RANBP3L: variants seen among roughly 807,000 people sequenced by gnomAD.
RANBP3L encodes the protein ran-binding protein 3-like.
In RANBP3L, 56 loss-of-function variants were observed where a neutral mutation model predicts 67.2. The observed-to-expected ratio is 0.83, with a 90% CI of 0.67 to 1.04. The LOEUF (loss-of-function observed/expected upper bound fraction) is 1.04, where lower values mean the gene tolerates loss of function less well. Among genes scored for constraint, RANBP3L ranks in the 50% least tolerant of loss-of-function variants. The pLI is 0.00. For missense variants in RANBP3L, 496 were observed against 535.5 expected, an observed-to-expected ratio of 0.93 and a Z score of 0.73; for synonymous variants, 164 against 181.4, an observed-to-expected ratio of 0.90 and a Z score of 0.77.
At chr5:36,266,164 G>A (rs1048424668) in intron 4 of RANBP3L, among the ~76,000 whole-genome samples, 2 of 151,916 alleles carry the variant, frequency 1.3e-5, no homozygotes, top group African/African-American at 4.8e-5. Flanking sequence ...GAACCCTCCG[G>A]CATTAATATA....
Position 36,247,525 on chromosome 5 carries a change from C to T in RANBP3L, c.*2129G>A, listed in dbSNP as rs976430775. ...AGAATGAATTCAACTTAAAATGTTTCAAGCATTGAGAAGATAATTGCTTTA... is the reference window on the plus strand; with the variant it reads ...AGAATGAATTCAACTTAAAATGTTTTAAGCATTGAGAAGATAATTGCTTTA... On this transcript the variant is annotated 3_prime_UTR_variant, in exon 14 of 14. Coordinates refer to ENST00000296604, the MANE Select transcript of RANBP3L (RefSeq NM_145000.5). Among the ~76,000 whole-genome samples, 1 of 152,192 alleles carries T rather than the reference C, an allele frequency of 6.6e-6. No homozygotes were observed. Among genetic ancestry groups the T allele is most frequent in the Admixed American group, 6.5e-5 (1 of 15,278 alleles).
intron 1 of RANBP3L, among the ~76,000 whole-genome samples, chr5:36,277,563 A>T (rs1450139357): frequency 1.3e-5 from 2 of 151,824 alleles, no homozygotes; most frequent in African/African-American, 2.4e-5. Flanking sequence ...ACAAAGCAGA[A>T]TATCTATCTG....
At chr5:36,268,293 C>A (rs1456088284) in intron 4 of RANBP3L, 2 of 1,480,816 alleles carry the variant, frequency 1.4e-6, no homozygotes, top group South Asian at 1.3e-5. Context: ...AAACTAAAGT[C>A]AGTAAGAAAG....
At position 36,247,752 on chromosome 5, in the gene RANBP3L, C is replaced by T. The variant is rs776462811; in HGVS notation, c.*1902G>A. On this transcript the variant is annotated 3_prime_UTR_variant, in exon 14 of 14. Transcript: ENST00000296604. Reference sequence around the variant, plus strand: ...TACAAAAATTAGCCAGGTATGATGGCGGGCGCCTGTAATCCCAGCTACTCA... The same window carrying T: ...TACAAAAATTAGCCAGGTATGATGGTGGGCGCCTGTAATCCCAGCTACTCA... Among the ~76,000 whole-genome samples the T allele has an allele frequency of 1.3e-5, 2 of 152,114 alleles. No homozygotes were observed. Among genetic ancestry groups the T allele is most frequent in the South Asian group, 2.1e-4 (1 of 4,824 alleles).
intron 8 of RANBP3L, 35 bp from the exon 9 acceptor site, chr5:36,257,591 TA>T (rs1312726288): frequency 1.0e-6 from 1 of 976,664 alleles, no homozygotes; most frequent in African/African-American, 1.7e-5. Flanking sequence ...TTTTATTTAA[TA>T]AAAGTTTTAA....
At chr5:36,278,737 G>A (rs976631882) in intron 1 of RANBP3L, among the ~76,000 whole-genome samples, 4 of 152,022 alleles carry the variant, frequency 2.6e-5, no homozygotes, top group Non-Finnish European at 2.9e-5. Context: ...AAATCTCTGT[G>A]GTAAGGATAT....
intron 1 of RANBP3L, among the ~76,000 whole-genome samples, chr5:36,290,163 A>G (rs2112093994): frequency 6.7e-6 from 1 of 150,172 alleles, no homozygotes; most frequent in East Asian, 1.9e-4. Flanking sequence ...TCCTTTTAAT[A>G]TCTGTAATGA....
rs1248123877 is a variant in RANBP3L at position 36,264,961 on chromosome 5, T to G, written c.478A>C (p.Lys160Gln). The stretch of plus-strand genomic sequence containing the variant: ...TCCGTTATCCTGGGCTTTCTCACCT[T>G]ATTATTTGTTTTTTCTTTAGTCTTG... ...SCKTKEKTNN[K>Q]ISEGNSYLLS... Residue 160 changes from lysine (K) to glutamine (Q), a missense_variant and splice_region_variant, in exon 6 of 14, where the codon AAG becomes CAG. Physicochemically the swap from Lys to Gln is moderately conservative, Grantham distance 53 (BLOSUM62 1). Coordinates refer to ENST00000296604, the MANE Select transcript of RANBP3L (RefSeq NM_145000.5). The G allele has an allele frequency of 6.2e-7, 1 of 1,611,684 alleles. No homozygotes were observed. The highest frequency in any genetic ancestry group is 2.2e-5 in the East Asian group (1 of 44,862).
chr5:36,277,911 G>C (rs1180154933), intron 1 of RANBP3L, among the ~76,000 whole-genome samples: 1 of 152,094 alleles, frequency 6.6e-6, no homozygotes, highest in Non-Finnish European at 1.5e-5. Flanking sequence ...CTTACATGCA[G>C]GCAGACAAGA....
intron 8 of RANBP3L, among the ~76,000 whole-genome samples, chr5:36,257,955 A>G (rs1390503132): frequency 6.6e-6 from 1 of 152,200 alleles, no homozygotes; most frequent in Non-Finnish European, 1.5e-5. Flanking sequence ...ATTCAATTTA[A>G]TATTACTTTT....
chr5:36,295,616 G>C (rs1391560855), intron 1 of RANBP3L, among the ~76,000 whole-genome samples: 2 of 149,846 alleles, frequency 1.3e-5, no homozygotes, highest in Non-Finnish European at 2.9e-5. Context: ...TTTATCTCCT[G>C]CAACAGTGCA....
At chr5:36,271,950 A>G (rs182139869) in intron 1 of RANBP3L, among the ~76,000 whole-genome samples, 222 of 152,316 alleles carry the variant, frequency 1.5e-3, no homozygotes, top group African/African-American at 5.2e-3. Flanking sequence ...TAGGGTATAC[A>G]TAAGTGATAA....
intron 1 of RANBP3L, among the ~76,000 whole-genome samples, chr5:36,272,152 A>G (rs567817051): frequency 6.6e-6 from 1 of 152,212 alleles, no homozygotes; most frequent in Non-Finnish European, 1.5e-5. Context: ...AGATTAAAGC[A>G]GTACTTACCT....
In RANBP3L at chr5:36,262,038, G is replaced by C. The variant is rs767069945; in HGVS notation, c.485C>G (p.Ser162Cys). Residue 162 changes from serine to cysteine, a missense_variant, in exon 7 of 14, where the codon TCT (serine) becomes TGT (cysteine). Ser to Cys is a moderately radical substitution (Grantham distance 112). Transcript: ENST00000296604. Reference protein sequence around the residue: ...KTKEKTNNKISEGNSYLLSEN... With the variant: ...KTKEKTNNKICEGNSYLLSEN... ...ACTTAACAAATAGGAATTTCCCTCA[G>C]AAATCTGAAAGTAAAGAAATCCATC... is the stretch of plus-strand genomic sequence containing the variant. The C allele has an allele frequency of 2.6e-6, 4 of 1,528,136 alleles. No homozygotes were observed. Among genetic ancestry groups the C allele is most frequent in the Non-Finnish European group, 3.6e-6 (4 of 1,104,988 alleles). The allele number at this position is 1,528,136 out of a possible 1,614,324, so 94.7% of individuals were successfully genotyped here.
chr5:36,297,129 C>T (rs947065074), intron 1 of RANBP3L, among the ~76,000 whole-genome samples: 1 of 151,946 alleles, frequency 6.6e-6, no homozygotes, highest in East Asian at 1.9e-4. Context: ...TAACATAAGA[C>T]AGTCGATTAA....
chr5:36,290,469 G>C (rs540647352), intron 1 of RANBP3L, among the ~76,000 whole-genome samples: 2 of 151,704 alleles, frequency 1.3e-5, no homozygotes, highest in Non-Finnish European at 2.9e-5. Flanking sequence ...TGCCCACCTC[G>C]GTCTCCCAAA....
intron 1 of RANBP3L, among the ~76,000 whole-genome samples, chr5:36,284,064 A>G (rs1355359688): frequency 6.6e-6 from 1 of 151,342 alleles, no homozygotes; most frequent in Non-Finnish European, 1.5e-5. Context: ...GCTCACCACA[A>G]CCTCCACCTC....
intron 6 of RANBP3L, 70 bp from the exon 7 acceptor site, chr5:36,262,112 C>T (rs1455790118): frequency 4.0e-6 from 3 of 757,586 alleles, no homozygotes; most frequent in African/African-American, 1.8e-5. Context: ...GACAAGGAAA[C>T]AATAGTTATA....
intron 1 of RANBP3L, among the ~76,000 whole-genome samples, chr5:36,273,005 G>C (rs1378387696): frequency 6.6e-6 from 1 of 152,066 alleles, no homozygotes; most frequent in East Asian, 1.9e-4. Context: ...GTGATCCCCA[G>C]CAGAAAATCT....
Sources: allele counts gnomAD v4.1 joint callset (sites outside exome capture counted in the v4.1 genomes callset), GRCh38; gene constraint gnomAD v4.1.1; transcripts MANE v1.5; gene names NCBI Gene and HGNC (gene_info 2026-07-23, HGNC 2026-07-21).